ITPR1: variants seen among roughly 807,000 people sequenced by gnomAD.
The protein encoded by ITPR1 is inositol 1,4,5-trisphosphate-gated calcium channel ITPR1.
In ITPR1, 96 loss-of-function variants were observed where a neutral mutation model predicts 318.4. The observed-to-expected ratio is 0.30, with a 90% CI of 0.26 to 0.36. The LOEUF (loss-of-function observed/expected upper bound fraction) is 0.36, where lower values mean the gene tolerates loss of function less well. Among genes scored for constraint, ITPR1 ranks in the 10% least tolerant of loss-of-function variants. ITPR1 has a pLI of 1.00. For missense variants in ITPR1, 2,440 were observed against 3,460.2 expected, an observed-to-expected ratio of 0.71 and a Z score of 7.40; for synonymous variants, 1,312 against 1,289.9, an observed-to-expected ratio of 1.02 and a Z score of -0.37.
chr3:4,723,973 C>A (rs2042338016), intron 40 of ITPR1, among the ~76,000 whole-genome samples: 1 of 152,198 alleles, frequency 6.6e-6, no homozygotes, highest in South Asian at 2.1e-4. Flanking sequence ...CTTTAGCATA[C>A]AGAATGTAAG....
At chr3:4,824,570 G>A (rs1466413795) in intron 60 of ITPR1, among the ~76,000 whole-genome samples, 1 of 152,134 alleles carries the variant, frequency 6.6e-6, no homozygotes, top group South Asian at 2.1e-4. Context: ...GTTTGGACTG[G>A]CGCATCTTAG....
chr3:4,560,301 A>G (rs2086546204), intron 4 of ITPR1, among the ~76,000 whole-genome samples: 1 of 152,200 alleles, frequency 6.6e-6, no homozygotes, highest in South Asian at 2.1e-4. Context: ...CACTTCCCCC[A>G]GTTAATGTAA....
At chr3:4,498,714 T>C (rs1488547132) in intron 2 of ITPR1, among the ~76,000 whole-genome samples, 1 of 152,180 alleles carries the variant, frequency 6.6e-6, no homozygotes, top group Non-Finnish European at 1.5e-5. Flanking sequence ...TTCACTTCAG[T>C]AGAAAAGGAA....
intron 44 of ITPR1, among the ~76,000 whole-genome samples, chr3:4,738,724 G>A (rs1039995220): frequency 2.6e-5 from 4 of 152,310 alleles, no homozygotes; most frequent in African/African-American, 9.6e-5. Flanking sequence ...ATCTTGTAAG[G>A]TCATTATGAA....
intron 4 of ITPR1, among the ~76,000 whole-genome samples, chr3:4,533,106 G>A (rs1264800588): frequency 1.3e-5 from 2 of 152,186 alleles, no homozygotes; most frequent in Non-Finnish European, 2.9e-5. Context: ...AAACAGCTGG[G>A]GAGAGCACAG....
intron 60 of ITPR1, among the ~76,000 whole-genome samples, chr3:4,824,669 T>A (rs2049955422): frequency 6.6e-6 from 1 of 152,140 alleles, no homozygotes; most frequent in South Asian, 2.1e-4. Context: ...AAGGCCCCTC[T>A]GCGGGTAGAG....
intron 39 of ITPR1, among the ~76,000 whole-genome samples, chr3:4,717,010 T>A (rs1177805147): frequency 6.6e-6 from 1 of 152,216 alleles, no homozygotes; most frequent in Non-Finnish European, 1.5e-5. Context: ...ACTCTACTCT[T>A]TCCCACCCTC....
At chr3:4,556,481 C>A (rs1193450699) in intron 4 of ITPR1, among the ~76,000 whole-genome samples, 1 of 152,006 alleles carries the variant, frequency 6.6e-6, no homozygotes, top group South Asian at 2.1e-4. Context: ...TCCCTCCCCC[C>A]AACCCCTGGC....
intron 3 of ITPR1, among the ~76,000 whole-genome samples, chr3:4,519,204 C>T (rs2082374867): frequency 6.6e-6 from 1 of 152,090 alleles, no homozygotes; most frequent in South Asian, 2.1e-4. Flanking sequence ...CCACTTCCTC[C>T]CCATTTGAGA....
intron 51 of ITPR1, among the ~76,000 whole-genome samples, chr3:4,784,853 C>T (rs1322822847): frequency 6.6e-6 from 1 of 151,634 alleles, no homozygotes; most frequent in Non-Finnish European, 1.5e-5. Flanking sequence ...GCCAAGATCG[C>T]ACCACTGCAC....
chr3:4,657,546 C>A (rs999343171), intron 12 of ITPR1, among the ~76,000 whole-genome samples: 1 of 151,428 alleles, frequency 6.6e-6, no homozygotes, highest in Non-Finnish European at 1.5e-5. Context: ...CAGCTCACTG[C>A]AACTTCTGCC....
intron 4 of ITPR1, among the ~76,000 whole-genome samples, chr3:4,527,774 G>C (rs896248159): frequency 6.6e-6 from 1 of 152,184 alleles, no homozygotes; most frequent in Non-Finnish European, 1.5e-5. Context: ...CCATGAACTT[G>C]AGGATCACAC....
chr3:4,504,430 G>C (rs1301987288), intron 2 of ITPR1, among the ~76,000 whole-genome samples: 1 of 152,142 alleles, frequency 6.6e-6, no homozygotes, highest in Non-Finnish European at 1.5e-5. Context: ...CTTCTGAGTT[G>C]GTGACTTCCT....
intron 24 of ITPR1, among the ~76,000 whole-genome samples, chr3:4,679,666 T>C (rs1559678575): frequency 6.6e-6 from 1 of 152,158 alleles, no homozygotes. Flanking sequence ...CCTCATAGAT[T>C]TACCCGGAAA....
rs2125195880 is a variant in ITPR1 at position 4,664,690 on chromosome 3, T to C, written c.1555-448T>C. 1.3e-5 allele frequency among the ~76,000 whole-genome samples: 2 copies of C among 152,386 alleles called. 1 individual carries two copies. Among genetic ancestry groups the C allele is most frequent in the Admixed American group, 1.3e-4 (2 of 15,308 alleles). On this transcript the variant is annotated intron_variant, in intron 16 of 61. Coordinates refer to ENST00000649015, the MANE Select transcript of ITPR1 (RefSeq NM_001378452.1). ...ACTGACTCACTGGCAGGAGCCTTCA[T>C]TGATTACTTGTGCTGGGCACTAGTG...
At chr3:4,620,824 A>C (rs929674424) in intron 4 of ITPR1, among the ~76,000 whole-genome samples, 6 of 151,154 alleles carry the variant, frequency 4.0e-5, no homozygotes, top group Non-Finnish European at 8.8e-5. Flanking sequence ...GGAGATTGGG[A>C]TCTCCCTCAC....
At chr3:4,695,527 T>G (rs1463061638) in intron 33 of ITPR1, among the ~76,000 whole-genome samples, 1 of 151,976 alleles carries the variant, frequency 6.6e-6, no homozygotes, top group East Asian at 1.9e-4. Context: ...TGCAAAAACC[T>G]CCCCCCATTC....
chr3:4,700,059 A>G (rs975513259), intron 35 of ITPR1, 118 bp downstream of exon 35: 3 of 834,050 alleles, frequency 3.6e-6, no homozygotes, highest in African/African-American at 3.4e-5. Context: ...TTAATACAAG[A>G]TATATTTCTC....
intron 4 of ITPR1, among the ~76,000 whole-genome samples, chr3:4,610,405 C>T (rs1397881135): frequency 1.3e-5 from 2 of 151,730 alleles, no homozygotes; most frequent in African/African-American, 2.4e-5. Context: ...ACAGTCTGCT[C>T]TTCCTTTGTG....
Sources: gnomAD v4.1 joint callset for allele counts (sites outside exome capture counted in the v4.1 genomes callset) on GRCh38, gnomAD v4.1.1 for gene constraint, MANE v1.5 for transcripts, NCBI Gene and HGNC (gene_info 2026-07-23, HGNC 2026-07-21) for gene names.